Variants in APLF observed in about 807,000 individuals in gnomAD.
APLF encodes the protein aprataxin and PNKP like factor.
APLF carries 61 observed loss-of-function variants against 55.6 expected under a neutral mutation model. That is an observed-to-expected ratio of 1.10 (90% CI 0.89 to 1.36). The LOEUF is 1.36. APLF is among the 40% of genes most tolerant of loss of function. APLF has a pLI of 0.00. For synonymous variants in APLF, 207 were observed against 214.8 expected, an observed-to-expected ratio of 0.96 and a Z score of 0.32; for missense variants, 611 against 602.5, an observed-to-expected ratio of 1.01 and a Z score of -0.15.
chr2:68,558,534 AAT>A (rs2104046661), intron 8 of APLF, among the ~76,000 whole-genome samples: 1 of 152,342 alleles, frequency 6.6e-6, no homozygotes, highest in African/African-American at 2.4e-5. Flanking sequence ...ATAGGACAAA[AAT>A]ATAGTATGTT....
At chr2:68,517,049 T>C (rs1331364582) in intron 5 of APLF, among the ~76,000 whole-genome samples, 1 of 124,096 alleles carries the variant, frequency 8.1e-6, no homozygotes, top group Non-Finnish European at 1.6e-5. Context: ...TATAATAACA[T>C]GTTATTAATA....
At chr2:68,476,076 G>T (rs1675762524) in intron 1 of APLF, among the ~76,000 whole-genome samples, 1 of 149,398 alleles carries the variant, frequency 6.7e-6, no homozygotes. Context: ...GTCTATTTTT[G>T]TCTGTTGTTG....
chr2:68,528,491 C>T, intron 6 of APLF: 8 of 1,534,040 alleles, frequency 5.2e-6, no homozygotes, highest in Non-Finnish European at 7.0e-6. Flanking sequence ...CGACAGTTTT[C>T]TTTTGCGGGA....
intron 5 of APLF, among the ~76,000 whole-genome samples, chr2:68,517,722 T>G (rs72901925): frequency 0.01 from 1,521 of 145,334 alleles, 18 homozygotes; most frequent in African/African-American, 0.036. Context: ...CTAATATATG[T>G]TAATATATAA....
chr2:68,568,047 A>G (rs906187369), intron 9 of APLF, among the ~76,000 whole-genome samples: 4 of 152,134 alleles, frequency 2.6e-5, no homozygotes, highest in African/African-American at 4.8e-5. Context: ...CATCAGAACC[A>G]TAGCCATCTC....
At chr2:68,491,836 A>G (rs1676369665) in intron 2 of APLF, among the ~76,000 whole-genome samples, 1 of 152,186 alleles carries the variant, frequency 6.6e-6, no homozygotes, top group Admixed American at 6.5e-5. Flanking sequence ...CCATGTCAGC[A>G]CATTTATTTT....
intron 9 of APLF, among the ~76,000 whole-genome samples, chr2:68,572,838 CAACAAAACAA>C (rs67354090): frequency 6.6e-6 from 1 of 151,864 alleles, no homozygotes; most frequent in Non-Finnish European, 1.5e-5. Flanking sequence ...CACTCTGTCT[CAACAAAACAA>C]AACAAAACAA....
chr2:68,543,915 A>G (rs933496733), intron 7 of APLF, among the ~76,000 whole-genome samples: 5 of 151,966 alleles, frequency 3.3e-5, no homozygotes, highest in Admixed American at 3.3e-4. Flanking sequence ...TTCTTAAAGT[A>G]TGATCCAGAG....
At chr2:68,549,453 T>A (rs1429524840) in intron 8 of APLF, among the ~76,000 whole-genome samples, 1 of 152,120 alleles carries the variant, frequency 6.6e-6, no homozygotes, top group South Asian at 2.1e-4. Flanking sequence ...AGAATTGCTC[T>A]AATATCTATT....
chr2:68,517,634 A>G (rs916995596), intron 5 of APLF, among the ~76,000 whole-genome samples: 9 of 144,832 alleles, frequency 6.2e-5, no homozygotes, highest in Non-Finnish European at 1.2e-4. Context: ...ACATGTAACA[A>G]TATATCACTA....
chr2:68,486,530 TCTC>T (rs1165460091), intron 1 of APLF, among the ~76,000 whole-genome samples: 11 of 152,138 alleles, frequency 7.2e-5, no homozygotes, highest in Admixed American at 7.2e-4. Flanking sequence ...CCACTCCCTC[TCTC>T]CTCTGTTTCT....
chr2:68,496,983 C>T (rs1200087996), intron 2 of APLF, among the ~76,000 whole-genome samples: 1 of 152,236 alleles, frequency 6.6e-6, no homozygotes, highest in South Asian at 2.1e-4. Flanking sequence ...TCTGAAGTCA[C>T]TTCCACACTT....
intron 8 of APLF, among the ~76,000 whole-genome samples, chr2:68,561,484 C>G (rs756749212): frequency 2.0e-5 from 3 of 152,106 alleles, no homozygotes; most frequent in African/African-American, 4.8e-5. Context: ...CTTGGTGTTT[C>G]TGGTTGAACT....
chr2:68,493,033 C>A (rs1676419590), intron 2 of APLF, among the ~76,000 whole-genome samples: 1 of 152,040 alleles, frequency 6.6e-6, no homozygotes, highest in Non-Finnish European at 1.5e-5. Flanking sequence ...GAATGAGAGC[C>A]CAGGTTCTTT....
intron 2 of APLF, among the ~76,000 whole-genome samples, chr2:68,493,550 A>G (rs1307176181): frequency 1.3e-5 from 2 of 152,230 alleles, no homozygotes; most frequent in Non-Finnish European, 2.9e-5. Flanking sequence ...AAAAGACACT[A>G]TAATGAAAAT....
intron 7 of APLF, among the ~76,000 whole-genome samples, chr2:68,540,297 G>T (rs1380361023): frequency 6.6e-6 from 1 of 152,132 alleles, no homozygotes; most frequent in African/African-American, 2.4e-5. Context: ...GGCTGAGAAT[G>T]ATGGTTTCTA....
intron 8 of APLF, among the ~76,000 whole-genome samples, chr2:68,554,292 A>G (rs537155010): frequency 1.3e-5 from 2 of 152,170 alleles, no homozygotes; most frequent in South Asian, 4.1e-4. Flanking sequence ...TTAGAAAAGG[A>G]TCTGTAATTA....
At chr2:68,487,225 A>G (rs2103901174) in intron 1 of APLF, among the ~76,000 whole-genome samples, 1 of 152,248 alleles carries the variant, frequency 6.6e-6, no homozygotes, top group Admixed American at 6.5e-5. Context: ...TTGGTTATTA[A>G]ATAGCCATTT....
In APLF at chr2:68,502,858, G is replaced by T. The variant is rs202065445; in HGVS notation, c.296G>T (p.Arg99Leu). Residue 99 changes from arginine (R) to leucine (L), a missense_variant, in exon 3 of 10, where the codon CGC becomes CTC. Transcript: ENST00000303795. ...FSLLVDKYIF[R>L]ILSIPSEVEM... ...TTGTTAGTTGACAAATACATTTTCC[G>T]CATTCTCTCTATACCCTCTGAAGTG... The T allele has an allele frequency of 4.4e-5, 71 of 1,605,384 alleles. No individual in the cohort carries two copies. In the South Asian group the frequency reaches 5.7e-4, roughly 13 times the overall value.
Sources: allele counts gnomAD v4.1 joint callset (sites outside exome capture counted in the v4.1 genomes callset), GRCh38; gene constraint gnomAD v4.1.1; transcripts MANE v1.5; gene names NCBI Gene and HGNC (gene_info 2026-07-23, HGNC 2026-07-21).